The following ZNF165 variants were observed in gnomAD, a reference collection of about 807,000 sequenced individuals.
The protein encoded by ZNF165 is cancer/testis antigen 53.
In ZNF165, 14 loss-of-function variants were observed where a neutral mutation model predicts 19.6. That is an observed-to-expected ratio of 0.71 (90% CI 0.47 to 1.12). The LOEUF (loss-of-function observed/expected upper bound fraction) is 1.12, where lower values mean the gene tolerates loss of function less well. Among genes scored for constraint, ZNF165 ranks in the 50% most tolerant of loss-of-function variants. The pLI, the probability that ZNF165 is intolerant of heterozygous loss-of-function variation, is 0.00. For synonymous variants in ZNF165, 165 were observed against 195.0 expected (o/e 0.85, Z 1.28); for missense variants, 504 against 566.3 (o/e 0.89, Z 1.12).
chr6:28,086,584 C>G (rs1482752812), intron 3 of ZNF165, among the ~76,000 whole-genome samples: 1 of 152,094 alleles, frequency 6.6e-6, no homozygotes, highest in African/African-American at 2.4e-5. Flanking sequence ...GCCGTAGCAC[C>G]TGTAGTCCCA....
intron 1 of ZNF165, among the ~76,000 whole-genome samples, chr6:28,084,270 T>C (rs1764219573): frequency 6.6e-6 from 1 of 152,222 alleles, no homozygotes; most frequent in Non-Finnish European, 1.5e-5. Flanking sequence ...GCTGTACAAC[T>C]TCTAGCCCAA....
At chr6:28,085,949 G>A (rs1764265114) in intron 2 of ZNF165, 58 bp downstream of exon 2, 1 of 1,580,766 alleles carries the variant, frequency 6.3e-7, no homozygotes, top group African/African-American at 1.4e-5. Flanking sequence ...CACGGTGGGA[G>A]GAGAGGCCCG....
At position 28,089,454 on chromosome 6, in the gene ZNF165, A is replaced by G. The variant is rs200735861; in HGVS notation, c.1442A>G (p.Glu481Gly). The G allele has an allele frequency of 1.1e-4, 182 of 1,590,194 alleles. No individual in the cohort carries two copies. Among genetic ancestry groups the G allele is most frequent in the Non-Finnish European group, 1.5e-4 (177 of 1,167,226 alleles). ...CAACACCAGAGAATTCACATGAGGG[A>G]AAACCTATTAATGTAAGGAACTTAA... ...LSQHQRIHMR[E>G]NLLM The change falls in exon 4 of 4, where the codon GAA becomes GGA. Residue 481 changes from glutamate to glycine, a missense_variant. Physicochemically the swap from Glu to Gly is moderately conservative, Grantham distance 98 (BLOSUM62 -2). Coordinates refer to ENST00000683778, the MANE Select transcript of ZNF165 (RefSeq NM_001376491.1).
chr6:28,088,226 C>G (rs1479332850), intron 3 of ZNF165, among the ~76,000 whole-genome samples: 4 of 152,162 alleles, frequency 2.6e-5, no homozygotes, highest in African/African-American at 9.7e-5. Flanking sequence ...ATCATAGACC[C>G]AAGGTTCCCA....
intron 1 of ZNF165, among the ~76,000 whole-genome samples, chr6:28,082,769 G>C (rs1764186258): frequency 6.6e-6 from 1 of 152,186 alleles, no homozygotes; most frequent in South Asian, 2.1e-4. Flanking sequence ...CCCAACACTT[G>C]TCAAAATCTG....
chr6:28,081,666 C>G (rs1764157432), intron 1 of ZNF165: 1 of 152,160 alleles, frequency 6.6e-6, no homozygotes, highest in South Asian at 2.1e-4. Context: ...ACATGCCCAC[C>G]AAGACATGTT....
intron 1 of ZNF165, among the ~76,000 whole-genome samples, chr6:28,082,191 A>G (rs995841315): frequency 6.6e-6 from 1 of 151,826 alleles, no homozygotes; most frequent in African/African-American, 2.4e-5. Flanking sequence ...GTTCTTACTT[A>G]TACTCAAATT....
At chr6:28,083,414 C>T (rs1187473702) in intron 1 of ZNF165, among the ~76,000 whole-genome samples, 1 of 152,190 alleles carries the variant, frequency 6.6e-6, no homozygotes, top group Admixed American at 6.5e-5. Context: ...CCCCTGGTCA[C>T]CTGCTCTGTC....
chr6:28,088,907 C>T lies in ZNF165; in HGVS notation c.895C>T (p.Gln299Ter). The part of the protein sequence containing the change: ...QKSCKHGTCD[Q>*]SFKWNSDFIN... ...ATCTTGTAAACATGGTACCTGTGAC[C>T]AGAGCTTCAAATGGAACTCAGATTT... is the stretch of plus-strand genomic sequence containing the variant. The change falls in exon 4 of 4, where the codon CAG (glutamine) becomes TAG (stop). Residue 299 changes from glutamine (Q) to a stop codon, truncating the protein, a stop_gained. Coordinates refer to ENST00000683778, the MANE Select transcript of ZNF165 (RefSeq NM_001376491.1). LOFTEE classifies it low-confidence loss of function (END_TRUNC). The T allele has an allele frequency of 6.2e-7, 1 of 1,614,076 alleles. No individual in the cohort carries two copies.
intron 2 of ZNF165, 124 bp from the exon 3 acceptor site, chr6:28,086,048 A>G: frequency 6.7e-7 from 1 of 1,503,528 alleles, no homozygotes; most frequent in Non-Finnish European, 8.9e-7. Context: ...TACATTTTAC[A>G]ATTAAATCAG....
At chr6:28,084,188 T>C (rs922388128) in intron 1 of ZNF165, among the ~76,000 whole-genome samples, 3 of 152,238 alleles carry the variant, frequency 2.0e-5, no homozygotes, top group African/African-American at 7.2e-5. Flanking sequence ...AAGAACCTGT[T>C]TCTACCAAAG....
At chr6:28,088,114 T>A (rs1340824881) in intron 3 of ZNF165, among the ~76,000 whole-genome samples, 1 of 152,178 alleles carries the variant, frequency 6.6e-6, no homozygotes, top group East Asian at 1.9e-4. Context: ...GGATGGAAGT[T>A]TTCTCACACA....
rs1270382564 is a variant in ZNF165, at chr6:28,085,764, A to G, written c.284A>G (p.Glu95Gly). The change falls in exon 2 of 4, where the codon GAG becomes GGG. Residue 95 changes from glutamate to glycine, a missense_variant. Coordinates refer to ENST00000683778, the MANE Select transcript of ZNF165 (RefSeq NM_001376491.1). The part of the protein sequence containing the change: ...KEQILELLVL[E>G]QFLTILPGDL... ...CAGATTCTGGAACTGCTGGTGCTAG[A>G]GCAGTTCCTGACCATCCTGCCAGGA... 1 of 1,613,764 alleles carries G rather than the reference A, an allele frequency of 6.2e-7. No individual in the cohort carries two copies. Among genetic ancestry groups the G allele is most frequent in the Admixed American group, 1.7e-5 (1 of 60,020 alleles).
chr6:28,087,308 T>C (rs1414417442), intron 3 of ZNF165, among the ~76,000 whole-genome samples: 1 of 152,190 alleles, frequency 6.6e-6, no homozygotes, highest in East Asian at 1.9e-4. Flanking sequence ...TGCAGTGGCG[T>C]GATCTCAGCT....
At position 28,085,521 on chromosome 6, in the gene ZNF165, C is replaced by T; in HGVS notation, c.41C>T (p.Pro14Leu). 7 of 1,614,130 alleles carry T rather than the reference C, an allele frequency of 4.3e-6. No individual in the cohort carries two copies. The highest frequency in any genetic ancestry group is 5.9e-6 in the Non-Finnish European group (7 of 1,180,026). ...AAGAAAGCTGCAGCCCAGAACTCTC[C>T]AGAGGATGAAGGACTTCTGATAGTG... The part of the protein sequence containing the change: ...EPKKAAAQNS[P>L]EDEGLLIVKI... The change falls in exon 2 of 4, where the codon CCA (proline) becomes CTA (leucine). Residue 14 changes from proline to leucine, a missense_variant. Physicochemically the swap from Pro to Leu is moderately conservative, Grantham distance 98. Coordinates refer to ENST00000683778, the MANE Select transcript of ZNF165 (RefSeq NM_001376491.1).
rs756445363 is a variant in ZNF165 at position 28,085,500 on chromosome 6, A to G, written c.20A>G (p.Lys7Arg). 1 of 1,611,786 alleles carries G rather than the reference A, an allele frequency of 6.2e-7. No homozygotes were observed. The highest frequency in any genetic ancestry group is 1.3e-5 in the African/African-American group (1 of 74,670). The change falls in exon 2 of 4, where the codon AAA becomes AGA. Residue 7 changes from lysine (K) to arginine (R), a missense_variant. Transcript: ENST00000683778. ...CCACAGATGGCTACAGAACCAAAGA[A>G]AGCTGCAGCCCAGAACTCTCCAGAG... MATEPK[K>R]AAAQNSPEDE...
At chr6:28,084,129 A>G (rs1194264714) in intron 1 of ZNF165, among the ~76,000 whole-genome samples, 1 of 152,194 alleles carries the variant, frequency 6.6e-6, no homozygotes, top group Non-Finnish European at 1.5e-5. Flanking sequence ...TGACCAAGTT[A>G]CCATCTCTAG....
chr6:28,083,424 C>A (rs572547300), intron 1 of ZNF165, among the ~76,000 whole-genome samples: 1 of 152,334 alleles, frequency 6.6e-6, no homozygotes, highest in African/African-American at 2.4e-5. Flanking sequence ...CCTGCTCTGT[C>A]CTGAGTCACC....
chr6:28,088,581 G>A lies in ZNF165; in HGVS notation c.569G>A (p.Ser190Asn), dbSNP rs1163321497. 2 of 1,606,890 alleles carry A rather than the reference G, an allele frequency of 1.2e-6. No homozygotes were observed. The highest frequency in any genetic ancestry group is 1.1e-5 in the South Asian group (1 of 89,202). Reference sequence around the variant, plus strand: ...ATTTTAGATAATGAGAGTGAAAACAGTAGATCCATGCCAAAGCTGGAAATT... The same window carrying A: ...ATTTTAGATAATGAGAGTGAAAACAATAGATCCATGCCAAAGCTGGAAATT... ...LWDCDNESEN[S>N]RSMPKLEIFE... The change falls in exon 4 of 4, where the codon AGT becomes AAT. Residue 190 changes from serine (S) to asparagine (N), a missense_variant. Transcript: ENST00000683778.
Sources: gnomAD v4.1 joint callset for allele counts (sites outside exome capture counted in the v4.1 genomes callset) on GRCh38, gnomAD v4.1.1 for gene constraint, MANE v1.5 for transcripts, NCBI Gene and HGNC (gene_info 2026-07-23, HGNC 2026-07-21) for gene names.